Variants in GABPB2 observed in about 807,000 individuals in gnomAD.
GABPB2 encodes GA binding protein transcription factor subunit beta 2.
Under a neutral mutation model 39.1 loss-of-function variants are expected in GABPB2, and 23 were observed. The observed-to-expected ratio is 0.59, with a 90% CI of 0.42 to 0.83. The LOEUF is 0.83. Ranked by LOEUF, GABPB2 falls within the 40% of genes least tolerant of loss-of-function variation. The probability of loss-of-function intolerance (pLI) is 0.00; values close to 1 mark genes in which losing one functional copy is unlikely to be tolerated. For synonymous variants in GABPB2, 184 were observed against 199.3 expected (o/e 0.92, Z 0.65); for missense variants, 467 against 541.1 (o/e 0.86, Z 1.36).
intron 1 of GABPB2, among the ~76,000 whole-genome samples, chr1:151,076,705 C>T (rs587694322): frequency 3.9e-5 from 6 of 152,148 alleles, no homozygotes; most frequent in East Asian, 3.9e-4. Flanking sequence ...GCTGGGATTA[C>T]AGGTGTGAGC....
rs587614607 is a variant in GABPB2 at position 151,084,183 on chromosome 1, A to G, written c.1-4007A>G. 3.4e-4 allele frequency among the ~76,000 whole-genome samples: 52 copies of G among 151,594 alleles called. 1 individual carries two copies. The highest frequency in any genetic ancestry group is 1.2e-3 in the African/African-American group (50 of 41,342). ...CACTTCTGCCTCCCTAAATGCTGCA[A>G]TTGCAGGCGTGAGCCACTGTGCCCA... On this transcript the variant is annotated intron_variant, in intron 1 of 8. Transcript: ENST00000368918.
At position 151,080,223 on chromosome 1, in the gene GABPB2, A is replaced by C. The variant is rs1286130295; in HGVS notation, c.1-7967A>C. On this transcript the variant is annotated intron_variant, in intron 1 of 8. Transcript: ENST00000368918. ...AGAGCCAAACTCCATCTCAAAAAAA[A>C]AAAAAAAAAAAAAAAAAAAAACAAT... 6.1e-4 allele frequency among the ~76,000 whole-genome samples: 86 copies of C among 140,768 alleles called. 1 individual carries two copies. The highest frequency in any genetic ancestry group is 9.7e-4 in the Non-Finnish European group (65 of 67,104). The allele number at this position is 140,768 out of a possible 152,430, so 92.3% of individuals were successfully genotyped here.
At chr1:151,093,628 A>G (rs1678887451) in intron 4 of GABPB2, among the ~76,000 whole-genome samples, 1 of 149,900 alleles carries the variant, frequency 6.7e-6, no homozygotes, top group Admixed American at 6.7e-5. Context: ...TTTTTAATAT[A>G]TATATTCTAT....
chr1:151,077,312 T>G (rs1438403157), intron 1 of GABPB2, among the ~76,000 whole-genome samples: 1 of 151,312 alleles, frequency 6.6e-6, no homozygotes, highest in Non-Finnish European at 1.5e-5. Flanking sequence ...GAGCCCCACA[T>G]TATCCTGGGA....
chr1:151,087,155 A>T (rs1306915985), intron 1 of GABPB2, among the ~76,000 whole-genome samples: 2 of 144,058 alleles, frequency 1.4e-5, no homozygotes, highest in Admixed American at 1.5e-4. Flanking sequence ...GCGCCCAGCC[A>T]ATTTTTGTAT....
intron 7 of GABPB2, among the ~76,000 whole-genome samples, chr1:151,116,854 C>T (rs188529697): frequency 6.0e-4 from 92 of 152,250 alleles, no homozygotes; most frequent in Middle Eastern, 3.4e-3. Flanking sequence ...AAGTGATCCT[C>T]CCACCTTAGC....
At position 151,097,811 on chromosome 1, in the gene GABPB2, TA is replaced by T. The variant is rs772644273; in HGVS notation, c.472-39del. On this transcript the variant is annotated intron_variant, in intron 4 of 8. Coordinates refer to ENST00000368918, the MANE Select transcript of GABPB2 (RefSeq NM_144618.3). ...AAAAAGAAAGACAGAAAAGAAAAGC[TA>T]ATAAGTGTTCTGATTGAAATATCCT... is the stretch of plus-strand genomic sequence containing the variant. 3.8e-6 allele frequency: 6 copies of T among 1,560,626 alleles called. No homozygotes were observed. In the South Asian group the frequency reaches 7.0e-5, roughly 18 times the overall value.
At chr1:151,076,129 CAA>C (rs1241763927) in intron 1 of GABPB2, among the ~76,000 whole-genome samples, 2 of 152,260 alleles carry the variant, frequency 1.3e-5, no homozygotes, top group South Asian at 2.1e-4. Flanking sequence ...CATTCCTACA[CAA>C]AGAGTACAAC....
At chr1:151,094,466 C>T (rs904342327) in intron 4 of GABPB2, among the ~76,000 whole-genome samples, 3 of 150,338 alleles carry the variant, frequency 2.0e-5, no homozygotes, top group African/African-American at 7.3e-5. Context: ...TCTTCCTCCT[C>T]AGCCTCCTGA....
At chr1:151,102,450 A>G (rs779626321) in intron 5 of GABPB2, among the ~76,000 whole-genome samples, 16 of 152,110 alleles carry the variant, frequency 1.1e-4, no homozygotes, top group Non-Finnish European at 2.1e-4. Context: ...TTATTTATAT[A>G]TTTATTTATT....
chr1:151,102,861 A>G (rs2101535240), intron 5 of GABPB2, among the ~76,000 whole-genome samples: 2 of 152,240 alleles, frequency 1.3e-5, no homozygotes, highest in South Asian at 4.1e-4. Flanking sequence ...CTATTCCCTT[A>G]TCACTGCTGA....
chr1:151,086,245 CAA>C (rs796966714), intron 1 of GABPB2, among the ~76,000 whole-genome samples: 3 of 133,646 alleles, frequency 2.2e-5, no homozygotes, highest in African/African-American at 8.3e-5. Flanking sequence ...AACCCTGTCT[CAA>C]AAAAAAAAAA....
At chr1:151,113,094 A>G (rs1680591484) in intron 7 of GABPB2, among the ~76,000 whole-genome samples, 1 of 150,940 alleles carries the variant, frequency 6.6e-6, no homozygotes, top group African/African-American at 2.4e-5. Flanking sequence ...TTTTTTTTTA[A>G]TAGAAATGAG....
In GABPB2 at chr1:151,120,450, C is replaced by G. The variant is rs1240194126; in HGVS notation, c.*2194C>G. ...GCTTGAACCCGGGAGGCGGCAGTTG[C>G]AATGAGCCGAGATGGCACCATTGCA... On this transcript the variant is annotated 3_prime_UTR_variant, in exon 9 of 9. Transcript: ENST00000368918. 1 of 152,020 alleles carries G rather than the reference C, an allele frequency of 6.6e-6. No individual in the cohort carries two copies. Among genetic ancestry groups the G allele is most frequent in the East Asian group, 1.9e-4 (1 of 5,168 alleles). The allele number at this position is 152,020 out of a possible 1,614,324, so 9.4% of individuals were successfully genotyped here. A position where few individuals can be genotyped will look rare whatever the true frequency, so the allele number is the denominator to read the frequency against.
At chr1:151,078,612 A>T (rs1340931926) in intron 1 of GABPB2, among the ~76,000 whole-genome samples, 1 of 152,046 alleles carries the variant, frequency 6.6e-6, no homozygotes, top group East Asian at 1.9e-4. Context: ...ATAGAAAAAA[A>T]AATTCATTTT....
chr1:151,125,481 A>G lies in GABPB2; in HGVS notation c.*7225A>G, dbSNP rs1681339936. The G allele has an allele frequency of 6.6e-6, 1 of 152,150 alleles. No individual in the cohort carries two copies. 9.4% of individuals were successfully genotyped at this position (152,150 alleles called of 1,614,324 possible). On this transcript the variant is annotated 3_prime_UTR_variant, in exon 9 of 9. Coordinates refer to ENST00000368918, the MANE Select transcript of GABPB2 (RefSeq NM_144618.3). Reference sequence around the variant, plus strand: ...ATATACTTATACAGATCTATATTATATATACAGTTTTTGTACTATCATTTA... The same window carrying G: ...ATATACTTATACAGATCTATATTATGTATACAGTTTTTGTACTATCATTTA...
At chr1:151,079,712 C>A (rs1677490824) in intron 1 of GABPB2, among the ~76,000 whole-genome samples, 1 of 151,354 alleles carries the variant, frequency 6.6e-6, no homozygotes, top group Non-Finnish European at 1.5e-5. Flanking sequence ...GGCTGACCAA[C>A]ATGGTGAAAC....
At chr1:151,071,962 TC>T (rs992967984) in intron 1 of GABPB2, among the ~76,000 whole-genome samples, 1 of 151,746 alleles carries the variant, frequency 6.6e-6, no homozygotes, top group African/African-American at 2.4e-5. Context: ...CTCTAGGGGG[TC>T]CCCCCCAACC....
intron 7 of GABPB2, chr1:151,112,703 C>T: frequency 4.6e-6 from 1 of 217,770 alleles, no homozygotes. Context: ...TTGTGGGTGG[C>T]TCCAGTAGAG....
Sources: allele counts gnomAD v4.1 joint callset (sites outside exome capture counted in the v4.1 genomes callset), GRCh38; gene constraint gnomAD v4.1.1; transcripts MANE v1.5; gene names NCBI Gene and HGNC (gene_info 2026-07-23, HGNC 2026-07-21).